The following PLCL2 variants were observed in gnomAD, a reference collection of about 807,000 sequenced individuals.
The protein encoded by PLCL2 is phospholipase C like 2.
Under a neutral mutation model 79.6 loss-of-function variants are expected in PLCL2, and 4 were observed. The ratio of observed to expected loss-of-function variants is 0.05; its 90% CI spans 0.02 to 0.11. The LOEUF (loss-of-function observed/expected upper bound fraction) is 0.11, where lower values mean the gene tolerates loss of function less well. PLCL2 is among the 10% of genes least tolerant of loss of function. PLCL2 has a pLI of 1.00. For synonymous variants in PLCL2, 484 were observed against 457.7 expected (o/e 1.06, Z -0.73); for missense variants, 895 against 1,291.0 (o/e 0.69, Z 4.70).
intron 3 of PLCL2, among the ~76,000 whole-genome samples, chr3:17,033,632 A>G (rs1490412976): frequency 1.3e-5 from 2 of 152,140 alleles, no homozygotes; most frequent in Non-Finnish European, 2.9e-5. Context: ...ATATTCTTCA[A>G]TTCACAAAAT....
rs771366376 is a variant in PLCL2, at chr3:17,010,609, T to G, written c.1263T>G (p.His421Gln). The change falls in exon 2 of 6, where the codon CAT becomes CAG. Residue 421 changes from histidine (H) to glutamine (Q), a missense_variant. Transcript: ENST00000615277. This position sits in a 1 kb window ranked among gnomAD's most constrained non-coding sequence, Gnocchi z 5.8. The part of the protein sequence containing the change: ...SPDCYIFDPE[H>Q]KKVCQDMKQP... Reference sequence around the variant, plus strand: ...ACTGTTATATATTCGATCCAGAACATAAGAAGGTCTGTCAGGATATGAAGC... The same window carrying G: ...ACTGTTATATATTCGATCCAGAACAGAAGAAGGTCTGTCAGGATATGAAGC... 5.6e-6 allele frequency: 9 copies of G among 1,613,966 alleles called. No individual in the cohort carries two copies. Among genetic ancestry groups the G allele is most frequent in the Middle Eastern group, 1.6e-4 (1 of 6,082 alleles).
intron 4 of PLCL2, among the ~76,000 whole-genome samples, chr3:17,063,306 T>C (rs2064974719): frequency 2.9e-5 from 1 of 34,520 alleles, no homozygotes; most frequent in Non-Finnish European, 5.2e-5. Context: ...CTTCATTCCC[T>C]CCTTCCTTCT....
At chr3:16,896,690 G>C (rs1314398859) in intron 1 of PLCL2, among the ~76,000 whole-genome samples, 7 of 152,158 alleles carry the variant, frequency 4.6e-5, no homozygotes, top group Admixed American at 4.6e-4. Context: ...AGAGTTGTTT[G>C]ATCACTGCTA....
chr3:16,912,364 T>G (rs762567407), intron 1 of PLCL2, among the ~76,000 whole-genome samples: 1 of 152,194 alleles, frequency 6.6e-6, no homozygotes, highest in Non-Finnish European at 1.5e-5. Flanking sequence ...TTGGTATTCA[T>G]GTGTTTGGAC....
intron 1 of PLCL2, among the ~76,000 whole-genome samples, chr3:16,951,366 T>C (rs1247073621): frequency 3.3e-5 from 5 of 152,106 alleles, no homozygotes. Context: ...AATTTTAACA[T>C]ACTATCTGAA....
chr3:16,975,877 A>G (rs1227614504), intron 1 of PLCL2, among the ~76,000 whole-genome samples: 2 of 152,168 alleles, frequency 1.3e-5, no homozygotes, highest in African/African-American at 2.4e-5. Flanking sequence ...GACTTCTGCC[A>G]ATATCTGTGG....
chr3:16,954,820 G>A (rs1447147209), intron 1 of PLCL2, among the ~76,000 whole-genome samples: 1 of 152,198 alleles, frequency 6.6e-6, no homozygotes, highest in Non-Finnish European at 1.5e-5. Flanking sequence ...CTGCATAAAT[G>A]TCTTCTTTTG....
chr3:16,995,877 A>G (rs752660712), intron 1 of PLCL2, among the ~76,000 whole-genome samples: 9 of 152,158 alleles, frequency 5.9e-5, no homozygotes, highest in South Asian at 2.1e-4. Context: ...TTTTACAAAC[A>G]TGTGTTGTCT....
intron 1 of PLCL2, among the ~76,000 whole-genome samples, chr3:16,980,971 C>CA (rs1307928396): frequency 5.9e-5 from 9 of 152,184 alleles, no homozygotes; most frequent in South Asian, 4.1e-4. Flanking sequence ...TCGTCTCCAC[C>CA]AAAAAAATAC....
chr3:17,087,676 G>T (rs1450447865), intron 5 of PLCL2, among the ~76,000 whole-genome samples: 1 of 152,180 alleles, frequency 6.6e-6, no homozygotes, highest in Non-Finnish European at 1.5e-5. Context: ...GGCAACATAG[G>T]TTCATTGATT....
chr3:17,056,141 G>A (rs2064889961), intron 4 of PLCL2, among the ~76,000 whole-genome samples: 1 of 152,166 alleles, frequency 6.6e-6, no homozygotes, highest in African/African-American at 2.4e-5. Flanking sequence ...TTCTGCTGAA[G>A]AGGGGTCACG....
At chr3:16,986,674 A>T (rs1463256865) in intron 1 of PLCL2, among the ~76,000 whole-genome samples, 3 of 152,110 alleles carry the variant, frequency 2.0e-5, no homozygotes, top group Non-Finnish European at 4.4e-5. Flanking sequence ...AAGTGCTGGG[A>T]TTACAGGCAT....
intron 1 of PLCL2, among the ~76,000 whole-genome samples, chr3:17,004,417 G>T (rs1479952746): frequency 6.6e-6 from 1 of 152,158 alleles, no homozygotes; most frequent in Non-Finnish European, 1.5e-5. Flanking sequence ...AGCGCCCATG[G>T]AGGAGAGGCA....
At chr3:17,081,465 G>A (rs181380757) in intron 5 of PLCL2, 234 of 275,538 alleles carry the variant, frequency 8.5e-4, no homozygotes, top group African/African-American at 5.0e-3. Flanking sequence ...TTGGACAAAA[G>A]GACTTTGAAA....
chr3:17,052,450 A>G (rs1037231604), intron 4 of PLCL2, among the ~76,000 whole-genome samples: 4 of 152,300 alleles, frequency 2.6e-5, no homozygotes, highest in South Asian at 2.1e-4. Flanking sequence ...AAGGGTTCCT[A>G]TTATTCAAGA....
At chr3:17,000,577 A>G (rs2064198794) in intron 1 of PLCL2, among the ~76,000 whole-genome samples, 1 of 151,842 alleles carries the variant, frequency 6.6e-6, no homozygotes, top group African/African-American at 2.4e-5. Context: ...TCTTCTCTTT[A>G]TTCCCCCTCC....
At chr3:17,033,058 A>C (rs2064602095) in intron 3 of PLCL2, among the ~76,000 whole-genome samples, 1 of 152,186 alleles carries the variant, frequency 6.6e-6, no homozygotes, top group South Asian at 2.1e-4. Context: ...ATTTTATCTG[A>C]AATGTAGTAC....
Position 17,055,079 on chromosome 3 carries a change from C to T in PLCL2, c.3094+12130C>T, listed in dbSNP as rs145552901. ...TACTGAAAAAGATTAAAAGATTAAACAAGTCATCCCATACAATGTTACAGG... is the reference window on the plus strand; with the variant it reads ...TACTGAAAAAGATTAAAAGATTAAATAAGTCATCCCATACAATGTTACAGG... On this transcript the variant is annotated intron_variant, in intron 4 of 5. Transcript: ENST00000615277. 7.3e-4 allele frequency among the ~76,000 whole-genome samples: 111 copies of T among 152,220 alleles called. 3 individuals are homozygous for T. In the East Asian group the frequency reaches 0.02, roughly 28 times the overall value.
At chr3:17,052,550 T>C (rs2064853385) in intron 4 of PLCL2, among the ~76,000 whole-genome samples, 1 of 152,210 alleles carries the variant, frequency 6.6e-6, no homozygotes, top group Non-Finnish European at 1.5e-5. Flanking sequence ...TGGTACTGTA[T>C]GGAAGCATTT....
Sources: allele counts gnomAD v4.1 joint callset (sites outside exome capture counted in the v4.1 genomes callset), GRCh38; gene constraint gnomAD v4.1.1; non-coding constraint Gnocchi (gnomAD v3.1); transcripts MANE v1.5; gene names NCBI Gene and HGNC (gene_info 2026-07-23, HGNC 2026-07-21).